POLR1C: variants seen among roughly 807,000 people sequenced by gnomAD.
POLR1C encodes RNA polymerase I and III subunit C, also known as DNA-directed RNA polymerases I and III subunit RPAC1.
A neutral mutation model predicts 38.3 loss-of-function variants in POLR1C; 42 were observed. The ratio of observed to expected loss-of-function variants is 1.10; its 90% CI spans 0.86 to 1.42. POLR1C has a LOEUF of 1.42. POLR1C is among the 40% of genes most tolerant of loss of function. The pLI is 0.00. For missense variants in POLR1C, 507 were observed against 450.5 expected (o/e 1.13, Z -1.14); for synonymous variants, 163 against 163.9 (o/e 0.99, Z 0.04).
rs146936712 is a variant in POLR1C at position 43,520,989 on chromosome 6, T to C, written c.863T>C (p.Phe288Ser). 9.4e-5 allele frequency: 151 copies of C among 1,614,024 alleles called. No homozygotes were observed. In the African/African-American group the frequency reaches 1.8e-3, roughly 19 times the overall value. ...PRLDTFSREI[F>S]RNEKLKKVVR... is the part of the protein sequence containing the mutation. ...CTGGATACCTTCAGCAGAGAAATCTTCCGGAATGAGAAGCTAAAGAAGGTT... is the reference window on the plus strand; with the variant it reads ...CTGGATACCTTCAGCAGAGAAATCTCCCGGAATGAGAAGCTAAAGAAGGTT... The change falls in exon 8 of 9, where the codon TTC becomes TCC. Residue 288 changes from phenylalanine to serine, a missense_variant. By Grantham distance (155) the Phe-to-Ser change is radical. Coordinates refer to ENST00000642195, the MANE Select transcript of POLR1C (RefSeq NM_203290.4).
At chr6:43,560,963 G>GT in intron 10 of POLR1C, 1 of 1,613,878 alleles carries the variant, frequency 6.2e-7, no homozygotes, top group Non-Finnish European at 8.5e-7. Context: ...AAGATTCCAG[G>GT]TATTTTCCAA....
At chr6:43,560,801 G>A (rs543115687) in intron 10 of POLR1C, 4 of 810,368 alleles carry the variant, frequency 4.9e-6, no homozygotes, top group East Asian at 2.5e-5. Context: ...ATGACACTAC[G>A]GTCATTCCCC....
chr6:43,519,994 A>T, intron 4 of POLR1C, 72 bp from the exon 5 acceptor site: 1 of 1,587,750 alleles, frequency 6.3e-7, no homozygotes, highest in South Asian at 1.1e-5. Context: ...AATGGGAAAC[A>T]CGTAAAGCAT....
intron 9 of POLR1C, among the ~76,000 whole-genome samples, chr6:43,542,868 T>G (rs918366112): frequency 6.6e-6 from 1 of 152,210 alleles, no homozygotes; most frequent in Non-Finnish European, 1.5e-5. Context: ...CTCCTATGTG[T>G]GTATCCAACA....
At chr6:43,531,663 G>C (rs1793988264), downstream of POLR1C, 2 of 1,164,102 alleles carry the variant, frequency 1.7e-6, no homozygotes, top group Admixed American at 3.5e-5. Flanking sequence ...CTGTTGTTCA[G>C]GGGTGAAGAT....
chr6:43,547,782 GGCTATCA>G (rs1195844300), intron 9 of POLR1C: 2 of 1,339,896 alleles, frequency 1.5e-6, no homozygotes, highest in Non-Finnish European at 2.1e-6. Flanking sequence ...GGAGTTAACA[GGCTATCA>G]TTATTTGGCC....
At chr6:43,557,593 C>T (rs1473567498) in intron 10 of POLR1C, among the ~76,000 whole-genome samples, 2 of 151,786 alleles carry the variant, frequency 1.3e-5, no homozygotes, top group Admixed American at 6.6e-5. Flanking sequence ...TTGCCTAGGA[C>T]TGGGAGAGAT....
chr6:43,556,639 C>T (rs1762103030), intron 10 of POLR1C, among the ~76,000 whole-genome samples: 1 of 151,962 alleles, frequency 6.6e-6, no homozygotes, highest in African/African-American at 2.4e-5. Context: ...CTTGCAATTG[C>T]CATATTATCC....
At chr6:43,537,311 C>T (rs1794401072) in intron 9 of POLR1C, among the ~76,000 whole-genome samples, 1 of 152,134 alleles carries the variant, frequency 6.6e-6, no homozygotes, top group African/African-American at 2.4e-5. Context: ...ATAGATCAAC[C>T]TGTAATACAT....
At chr6:43,553,595 G>C in intron 10 of POLR1C, 1 of 1,471,726 alleles carries the variant, frequency 6.8e-7, no homozygotes, top group Non-Finnish European at 9.0e-7. Flanking sequence ...AGACAATGGA[G>C]CCTTAGAGAA....
chr6:43,543,086 T>C (rs1023578229), intron 9 of POLR1C, among the ~76,000 whole-genome samples: 4 of 152,014 alleles, frequency 2.6e-5, no homozygotes, highest in Middle Eastern at 3.2e-3. Context: ...AAACAAAATA[T>C]TGAGCGAAAG....
chr6:43,546,188 AC>A (rs750506751), intron 9 of POLR1C, among the ~76,000 whole-genome samples: 33 of 152,236 alleles, frequency 2.2e-4, no homozygotes, highest in Non-Finnish European at 4.7e-4. Flanking sequence ...TCATATGAAT[AC>A]CACCTAGACA....
downstream of POLR1C, chr6:43,525,738 G>T: frequency 1.6e-6 from 2 of 1,227,922 alleles, no homozygotes; most frequent in Non-Finnish European, 2.3e-6. Context: ...TAACAAAGGA[G>T]TATTACAAAA....
intron 10 of POLR1C, chr6:43,551,472 A>G (rs758095325): frequency 1.1e-5 from 18 of 1,606,276 alleles, no homozygotes; most frequent in Middle Eastern, 1.7e-4. Flanking sequence ...AAGACATAAA[A>G]CAGGTTGACA....
At chr6:43,543,088 GA>G (rs1336270091) in intron 9 of POLR1C, among the ~76,000 whole-genome samples, 1 of 152,096 alleles carries the variant, frequency 6.6e-6, no homozygotes, top group Non-Finnish European at 1.5e-5. Flanking sequence ...ACAAAATATT[GA>G]GCGAAAGGAA....
chr6:43,559,879 G>A (rs574354371), intron 10 of POLR1C, among the ~76,000 whole-genome samples: 2 of 151,912 alleles, frequency 1.3e-5, no homozygotes. Context: ...GCAGTGCTGC[G>A]ATCTCAGCTC....
chr6:43,533,887 A>G (rs1457573977), downstream of POLR1C: 1 of 1,562,888 alleles, frequency 6.4e-7, no homozygotes, highest in Non-Finnish European at 8.7e-7. Context: ...CCTTAGGAGA[A>G]AAAAGGTTAC....
chr6:43,530,776 A>G (rs2127707161), downstream of POLR1C: 3 of 1,613,942 alleles, frequency 1.9e-6, no homozygotes, highest in Non-Finnish European at 2.5e-6. Context: ...CCTCCACAGT[A>G]TAGAAGTCTT....
intron 10 of POLR1C, among the ~76,000 whole-genome samples, chr6:43,551,847 A>G (rs1463283286): frequency 6.6e-6 from 1 of 151,740 alleles, no homozygotes; most frequent in Non-Finnish European, 1.5e-5. Context: ...TTAAATTTTT[A>G]GTAGAGATGA....
Sources: allele counts gnomAD v4.1 joint callset (sites outside exome capture counted in the v4.1 genomes callset), GRCh38; gene constraint gnomAD v4.1.1; transcripts MANE v1.5; gene names NCBI Gene and HGNC (gene_info 2026-07-23, HGNC 2026-07-21).